The following UBE2E3 variants were observed in gnomAD, a reference collection of about 807,000 sequenced individuals.
The protein encoded by UBE2E3 is ubiquitin-conjugating enzyme E2 E3.
UBE2E3 carries 5 observed loss-of-function variants against 23.6 expected under a neutral mutation model. The observed-to-expected ratio is 0.21, with a 90% CI of 0.11 to 0.44. The LOEUF (loss-of-function observed/expected upper bound fraction) is 0.44, where lower values mean the gene tolerates loss of function less well. Among genes scored for constraint, UBE2E3 ranks in the 20% least tolerant of loss-of-function variants. The pLI is 0.99. For missense variants in UBE2E3, 81 were observed against 249.8 expected, an observed-to-expected ratio of 0.32 and a Z score of 4.55; for synonymous variants, 78 against 87.5, an observed-to-expected ratio of 0.89 and a Z score of 0.60.
intron 3 of UBE2E3, among the ~76,000 whole-genome samples, chr2:181,003,010 C>T (rs899795830): frequency 2.6e-5 from 4 of 152,198 alleles, no homozygotes; most frequent in African/African-American, 9.7e-5. Context: ...CATCTCTCTG[C>T]CCATGTGTCT....
rs368852650 is a variant in UBE2E3, at chr2:181,012,342, T to G, written c.245+28249T>G. ...TGACAGGGTATTGGTTAGTTACAGT[T>G]GTCATTTGAATCAGTGCTGTCTTAT... On this transcript the variant is annotated intron_variant, in intron 3 of 5. Coordinates refer to ENST00000410062, the MANE Select transcript of UBE2E3 (RefSeq NM_006357.4). Among the ~76,000 whole-genome samples, 22 of 152,292 alleles carry G rather than the reference T, an allele frequency of 1.4e-4. No individual in the cohort carries two copies. In the East Asian group the frequency reaches 3.3e-3, roughly 23 times the overall value.
intron 3 of UBE2E3, among the ~76,000 whole-genome samples, chr2:181,031,906 CTT>C (rs1369969456): frequency 6.6e-6 from 1 of 152,110 alleles, no homozygotes; most frequent in Non-Finnish European, 1.5e-5. Flanking sequence ...AGACTAGTGA[CTT>C]TTAAAATGCC....
At chr2:181,013,539 T>C (rs1413293586) in intron 3 of UBE2E3, among the ~76,000 whole-genome samples, 1 of 151,164 alleles carries the variant, frequency 6.6e-6, no homozygotes, top group Non-Finnish European at 1.5e-5. Flanking sequence ...TTAAGTGTTC[T>C]CATAAAAGGG....
intron 4 of UBE2E3, 70 bp from the exon 5 acceptor site, chr2:181,060,595 T>A: frequency 8.3e-7 from 1 of 1,197,706 alleles, no homozygotes. Context: ...TTACCCTTCA[T>A]TTTTTTTTAG....
At chr2:181,016,581 T>C (rs1463617337) in intron 3 of UBE2E3, among the ~76,000 whole-genome samples, 17 of 152,200 alleles carry the variant, frequency 1.1e-4, no homozygotes, top group Non-Finnish European at 4.4e-5. Flanking sequence ...ACCTGGCTTA[T>C]AAGTAATGGA....
At chr2:181,008,428 A>G (rs901207364) in intron 3 of UBE2E3, among the ~76,000 whole-genome samples, 6 of 152,358 alleles carry the variant, frequency 3.9e-5, no homozygotes, top group Non-Finnish European at 1.5e-5. Flanking sequence ...CTGGCTCCAG[A>G]GTTCATGCTC....
chr2:181,035,861 G>C (rs1574206662), intron 3 of UBE2E3, among the ~76,000 whole-genome samples: 1 of 152,108 alleles, frequency 6.6e-6, no homozygotes, highest in Non-Finnish European at 1.5e-5. Context: ...ATAAGCTGAT[G>C]ATGAATTTTA....
intron 3 of UBE2E3, among the ~76,000 whole-genome samples, chr2:181,008,404 T>C (rs1685215806): frequency 6.6e-6 from 1 of 152,192 alleles, no homozygotes; most frequent in Non-Finnish European, 1.5e-5. Flanking sequence ...AAGCAAGATT[T>C]GAAATCAGGC....
chr2:181,014,611 G>A (rs1176146538), intron 3 of UBE2E3, among the ~76,000 whole-genome samples: 2 of 152,168 alleles, frequency 1.3e-5, no homozygotes, highest in Non-Finnish European at 1.5e-5. Flanking sequence ...ATGGAAACCT[G>A]AGGTAGAAAG....
At chr2:180,987,168 TATTG>T (rs1301405875) in intron 3 of UBE2E3, among the ~76,000 whole-genome samples, 3 of 152,166 alleles carry the variant, frequency 2.0e-5, no homozygotes, top group Non-Finnish European at 4.4e-5. Flanking sequence ...TATGTTTATT[TATTG>T]GTTTCAGTTT....
chr2:181,027,090 A>G (rs1574196861), intron 3 of UBE2E3, among the ~76,000 whole-genome samples: 1 of 151,952 alleles, frequency 6.6e-6, no homozygotes, highest in African/African-American at 2.4e-5. Context: ...TGTTCTTAAT[A>G]ATCTTTATTA....
At chr2:180,992,597 G>A (rs1450662137) in intron 3 of UBE2E3, among the ~76,000 whole-genome samples, 1 of 152,154 alleles carries the variant, frequency 6.6e-6, no homozygotes, top group Admixed American at 6.5e-5. Flanking sequence ...TATGCCTCAA[G>A]CAATCCTCCC....
At chr2:181,001,362 G>A (rs1182954300) in intron 3 of UBE2E3, among the ~76,000 whole-genome samples, 1 of 152,106 alleles carries the variant, frequency 6.6e-6, no homozygotes, top group Non-Finnish European at 1.5e-5. Flanking sequence ...TAGAATTTTC[G>A]AGCTTCTTAA....
intron 3 of UBE2E3, among the ~76,000 whole-genome samples, chr2:181,033,093 G>A (rs1285116565): frequency 2.0e-5 from 3 of 152,124 alleles, no homozygotes; most frequent in Admixed American, 1.3e-4. Flanking sequence ...TTGTAAAAAC[G>A]GCCATACTGC....
chr2:181,003,793 C>A, intron 3 of UBE2E3, among the ~76,000 whole-genome samples: 1 of 152,132 alleles, frequency 6.6e-6, no homozygotes, highest in Non-Finnish European at 1.5e-5. Flanking sequence ...TATACATGCC[C>A]ATTTGAATAT....
Position 180,980,825 on chromosome 2 carries a change from C to G in UBE2E3, c.-174C>G, listed in dbSNP as rs968517801. The G allele has an allele frequency of 6.7e-6, 1 of 149,588 alleles. No individual in the cohort carries two copies. The highest frequency in any genetic ancestry group is 6.6e-5 in the Admixed American group (1 of 15,064). 9.3% of individuals were successfully genotyped at this position (149,588 alleles called of 1,614,324 possible). A position where few individuals can be genotyped will look rare whatever the true frequency, so the allele number is the denominator to read the frequency against. On this transcript the variant is annotated 5_prime_UTR_variant, in exon 1 of 6. Coordinates refer to ENST00000410062, the MANE Select transcript of UBE2E3 (RefSeq NM_006357.4). The surrounding 1 kb of genome is among the most constrained non-coding windows in gnomAD (Gnocchi z 5.5). The stretch of plus-strand genomic sequence containing the variant: ...CCCCTCCGACTTTCAATGTTCCACA[C>G]TCCCCGGCCAGAGCCTCCTCGGCTT...
chr2:180,981,636 T>C (rs1162770394), intron 1 of UBE2E3, among the ~76,000 whole-genome samples: 1 of 152,212 alleles, frequency 6.6e-6, no homozygotes, highest in African/African-American at 2.4e-5. Context: ...GTGTAAATAT[T>C]TAGACGTTAT....
At chr2:181,004,849 T>C (rs1685098557) in intron 3 of UBE2E3, among the ~76,000 whole-genome samples, 1 of 152,246 alleles carries the variant, frequency 6.6e-6, no homozygotes, top group Non-Finnish European at 1.5e-5. Context: ...CTTGGCCTTT[T>C]GCCAAATGTA....
chr2:181,005,414 C>A (rs1231089842), intron 3 of UBE2E3, among the ~76,000 whole-genome samples: 1 of 152,106 alleles, frequency 6.6e-6, no homozygotes, highest in African/African-American at 2.4e-5. Context: ...CTGCTCTATC[C>A]CCAGGATAGG....
Sources: gnomAD v4.1 joint callset for allele counts (sites outside exome capture counted in the v4.1 genomes callset) on GRCh38, gnomAD v4.1.1 for gene constraint, Gnocchi (gnomAD v3.1) non-coding constraint, MANE v1.5 for transcripts, NCBI Gene and HGNC (gene_info 2026-07-23, HGNC 2026-07-21) for gene names.